Variants in SEPTIN9 observed in about 807,000 individuals in gnomAD.
SEPTIN9 encodes the protein septin 9.
In SEPTIN9, 13 loss-of-function variants were observed where a neutral mutation model predicts 56.6. The ratio of observed to expected loss-of-function variants is 0.23; its 90% CI spans 0.15 to 0.37. The LOEUF (loss-of-function observed/expected upper bound fraction) is 0.37, where lower values mean the gene tolerates loss of function less well. Among genes scored for constraint, SEPTIN9 ranks in the 10% least tolerant of loss-of-function variants. SEPTIN9 has a pLI of 1.00. For missense variants in SEPTIN9, 650 were observed against 823.1 expected, an observed-to-expected ratio of 0.79 and a Z score of 2.57; for synonymous variants, 332 against 334.1, an observed-to-expected ratio of 0.99 and a Z score of 0.07.
chr17:77,336,776 G>A (rs1353953689), intron 2 of SEPTIN9, among the ~76,000 whole-genome samples: 1 of 151,968 alleles, frequency 6.6e-6, no homozygotes, highest in Non-Finnish European at 1.5e-5. Flanking sequence ...GTGATTAGTG[G>A]ACATCCTTGC....
Position 77,450,928 on chromosome 17 carries a change from G to C in SEPTIN9, c.722-31216G>C, listed in dbSNP as rs2037940368. On this transcript the variant is annotated intron_variant, in intron 3 of 11. Coordinates refer to ENST00000427177, the MANE Select transcript of SEPTIN9 (RefSeq NM_001113491.2). This position sits in a 1 kb window ranked among gnomAD's most constrained non-coding sequence, Gnocchi z 6.0. ...GGCTGCAGGTCTGAATGGCTTTCTGGGGTGGCTGGCCATGCTCCCTGAGAG... is the reference window on the plus strand; with the variant it reads ...GGCTGCAGGTCTGAATGGCTTTCTGCGGTGGCTGGCCATGCTCCCTGAGAG... 1.9e-6 allele frequency: 1 copy of C among 516,336 alleles called. No homozygotes were observed. The highest frequency in any genetic ancestry group is 2.1e-5 in the African/African-American group (1 of 48,090). 32.0% of individuals were successfully genotyped at this position (516,336 alleles called of 1,614,324 possible).
At chr17:77,459,544 A>G (rs1291123609) in intron 3 of SEPTIN9, among the ~76,000 whole-genome samples, 2 of 150,146 alleles carry the variant, frequency 1.3e-5, no homozygotes, top group African/African-American at 2.5e-5. Flanking sequence ...TTGAGTTGCT[A>G]TAAGGAATAG....
At chr17:77,396,421 G>A (rs1032185036) in intron 2 of SEPTIN9, among the ~76,000 whole-genome samples, 5 of 152,170 alleles carry the variant, frequency 3.3e-5, no homozygotes, top group African/African-American at 7.2e-5. Context: ...ACAAGCTCAC[G>A]AACACTCTCG....
intron 1 of SEPTIN9, among the ~76,000 whole-genome samples, chr17:77,290,872 A>T (rs975128290): frequency 1.3e-5 from 2 of 150,478 alleles, no homozygotes; most frequent in Non-Finnish European, 3.0e-5. Context: ...TGCATTATTT[A>T]TTATTATTAT....
At chr17:77,383,190 C>CTCCCTCCT (rs56053402) in intron 2 of SEPTIN9, among the ~76,000 whole-genome samples, 138,448 of 148,038 alleles carry the variant, frequency 0.94, 65,017 homozygotes, top group Middle Eastern at 0.99. Context: ...CCTTCTCTCC[C>CTCCCTCCT]TCCCTCCCTC....
At chr17:77,394,764 C>G (rs1375850045) in intron 2 of SEPTIN9, among the ~76,000 whole-genome samples, 1 of 152,160 alleles carries the variant, frequency 6.6e-6, no homozygotes, top group East Asian at 1.9e-4. Flanking sequence ...GCCAGGCAGC[C>G]TGTGGTCAGA....
At chr17:77,349,949 G>T (rs111257838) in intron 2 of SEPTIN9, among the ~76,000 whole-genome samples, 5 of 152,188 alleles carry the variant, frequency 3.3e-5, no homozygotes, top group Admixed American at 6.5e-5. Context: ...AAAACCTACA[G>T]GCTCAACCTT....
In SEPTIN9 at chr17:77,318,745, G is replaced by C. The variant is rs1374953914; in HGVS notation, c.76+11548G>C. Reference sequence around the variant, plus strand: ...TGGGGTCCTATCCCAGGCAGAGAGCGGACGGGACTGTGGCCTGAAGTGGCA... The same window carrying C: ...TGGGGTCCTATCCCAGGCAGAGAGCCGACGGGACTGTGGCCTGAAGTGGCA... On this transcript the variant is annotated intron_variant, in intron 2 of 11. Transcript: ENST00000427177. This position sits in a 1 kb window ranked among gnomAD's most constrained non-coding sequence, Gnocchi z 4.9. Among the ~76,000 whole-genome samples, 2 of 152,126 alleles carry C rather than the reference G, an allele frequency of 1.3e-5. No homozygotes were observed. The highest frequency in any genetic ancestry group is 2.9e-5 in the Non-Finnish European group (2 of 68,024).
chr17:77,436,729 C>T lies in SEPTIN9; in HGVS notation c.721+34026C>T, dbSNP rs369927709. 5.0e-3 allele frequency among the ~76,000 whole-genome samples: 762 copies of T among 152,382 alleles called. 5 individuals carry two copies. Among genetic ancestry groups the T allele is most frequent in the African/African-American group, 0.016 (680 of 41,594 alleles). ...GAGGTGGGCAAAAGCCGCTTCCGGG[C>T]AGCCAGCCCCCATCCTGGGAGTGAC... is the stretch of plus-strand genomic sequence containing the variant. On this transcript the variant is annotated intron_variant, in intron 3 of 11. Coordinates refer to ENST00000427177, the MANE Select transcript of SEPTIN9 (RefSeq NM_001113491.2). The surrounding 1 kb of genome is among the most constrained non-coding windows in gnomAD (Gnocchi z 4.4).
chr17:77,474,038 GTTAATAGTTA>G (rs1301388743), intron 3 of SEPTIN9, among the ~76,000 whole-genome samples: 1 of 152,100 alleles, frequency 6.6e-6, no homozygotes, highest in Non-Finnish European at 1.5e-5. Context: ...TTCCTGAACT[GTTAATAGTTA>G]ACAATAGCTT....
intron 1 of SEPTIN9, among the ~76,000 whole-genome samples, chr17:77,303,231 G>C (rs1376410703): frequency 6.6e-6 from 1 of 151,720 alleles, no homozygotes; most frequent in Non-Finnish European, 1.5e-5. Context: ...CTCCCGAGTA[G>C]CTGGGATTAC....
intron 2 of SEPTIN9, among the ~76,000 whole-genome samples, chr17:77,381,799 G>C (rs1487775405): frequency 3.3e-5 from 5 of 152,188 alleles, no homozygotes; most frequent in African/African-American, 1.2e-4. Flanking sequence ...CATCGCTGGG[G>C]GTGGGAGAGG....
intron 3 of SEPTIN9, among the ~76,000 whole-genome samples, chr17:77,422,217 A>G (rs2036730197): frequency 6.6e-6 from 1 of 152,008 alleles, no homozygotes; most frequent in Non-Finnish European, 1.5e-5. Context: ...CCTCAGCCTT[A>G]TGTGTTCTTG....
chr17:77,397,505 A>T (rs891216404), intron 2 of SEPTIN9, among the ~76,000 whole-genome samples: 27 of 152,140 alleles, frequency 1.8e-4, no homozygotes, highest in African/African-American at 6.3e-4. Flanking sequence ...TAGGTATTAG[A>T]CATGTCTTTT....
intron 3 of SEPTIN9, among the ~76,000 whole-genome samples, chr17:77,438,014 C>T (rs1184376115): frequency 1.3e-5 from 2 of 152,360 alleles, no homozygotes; most frequent in South Asian, 2.1e-4. Context: ...GAGCAGCCCA[C>T]GACACATCTG....
In SEPTIN9 at chr17:77,436,603, C is replaced by T. The variant is rs1248807110; in HGVS notation, c.721+33900C>T. Among the ~76,000 whole-genome samples the T allele has an allele frequency of 6.6e-6, 1 of 152,248 alleles. No homozygotes were observed. The highest frequency in any genetic ancestry group is 2.4e-5 in the African/African-American group (1 of 41,470). The stretch of plus-strand genomic sequence containing the variant: ...GGAATGATCAGTGTCCAGCTTTTCT[C>T]GCCCCTCTCCTGCCCCGCTGGAGGG... On this transcript the variant is annotated intron_variant, in intron 3 of 11. Coordinates refer to ENST00000427177, the MANE Select transcript of SEPTIN9 (RefSeq NM_001113491.2). The surrounding 1 kb of genome is among the most constrained non-coding windows in gnomAD (Gnocchi z 4.4).
chr17:77,442,704 C>A (rs1306972183), intron 3 of SEPTIN9, among the ~76,000 whole-genome samples: 1 of 151,632 alleles, frequency 6.6e-6, no homozygotes, highest in African/African-American at 2.4e-5. Context: ...GAAACCCCGT[C>A]TCTACTAAAA....
rs762443767 is a variant in SEPTIN9 at position 77,498,511 on chromosome 17, C to T, written c.1626-12C>T. ...CCCACCTCACTGACCCGCCCGCCCCCCACCCCCACAGGACGCACATGCAGA... is the reference window on the plus strand; with the variant it reads ...CCCACCTCACTGACCCGCCCGCCCCTCACCCCCACAGGACGCACATGCAGA... On this transcript the variant is annotated splice_polypyrimidine_tract_variant and intron_variant, in intron 11 of 11. Coordinates refer to ENST00000427177, the MANE Select transcript of SEPTIN9 (RefSeq NM_001113491.2). The T allele has an allele frequency of 2.5e-5, 13 of 515,842 alleles. No individual in the cohort carries two copies. The highest frequency in any genetic ancestry group is 2.0e-4 in the South Asian group (13 of 64,522). 32.0% of individuals were successfully genotyped at this position (515,842 alleles called of 1,614,324 possible). A position where few individuals can be genotyped will look rare whatever the true frequency, so the allele number is the denominator to read the frequency against.
chr17:77,447,743 A>G (rs965376757), intron 3 of SEPTIN9, among the ~76,000 whole-genome samples: 3 of 152,072 alleles, frequency 2.0e-5, no homozygotes, highest in South Asian at 2.1e-4. Flanking sequence ...TCCTGCCTCA[A>G]CCTCCTGAGT....
Sources: allele counts gnomAD v4.1 joint callset (sites outside exome capture counted in the v4.1 genomes callset), GRCh38; gene constraint gnomAD v4.1.1; non-coding constraint Gnocchi (gnomAD v3.1); transcripts MANE v1.5; gene names NCBI Gene and HGNC (gene_info 2026-07-23, HGNC 2026-07-21).